The following ATP10A variants were observed in gnomAD, a reference collection of about 807,000 sequenced individuals.
ATP10A encodes the protein phospholipid-transporting ATPase VA.
A neutral mutation model predicts 147.8 loss-of-function variants in ATP10A; 111 were observed. The observed-to-expected ratio is 0.75, with a 90% CI of 0.64 to 0.88. ATP10A has a LOEUF of 0.88. Ranked by LOEUF, ATP10A falls within the 40% of genes least tolerant of loss-of-function variation. ATP10A has a pLI of 0.00. For synonymous variants in ATP10A, 875 were observed against 841.6 expected (o/e 1.04, Z -0.69); for missense variants, 1,927 against 1,959.0 (o/e 0.98, Z 0.31).
chr15:25,686,058 T>C (rs1899696743), intron 16 of ATP10A, among the ~76,000 whole-genome samples: 1 of 151,968 alleles, frequency 6.6e-6, no homozygotes, highest in South Asian at 2.1e-4. Flanking sequence ...CCAGGAGTGG[T>C]GTGACACAGC....
intron 2 of ATP10A, among the ~76,000 whole-genome samples, chr15:25,762,941 C>T (rs12910456): frequency 0.39 from 59,398 of 151,968 alleles, 12,666 homozygotes; most frequent in Non-Finnish European, 0.48. Flanking sequence ...GTTTAAAAAA[C>T]GAAAGGGCAG....
intron 2 of ATP10A, among the ~76,000 whole-genome samples, chr15:25,779,096 C>T (rs938223404): frequency 5.9e-5 from 9 of 152,130 alleles, no homozygotes; most frequent in African/African-American, 4.8e-5. Flanking sequence ...AGGATGGTCT[C>T]GAATTACTGA....
intron 13 of ATP10A, among the ~76,000 whole-genome samples, chr15:25,698,455 T>G (rs559375304): frequency 1.3e-5 from 2 of 152,350 alleles, no homozygotes; most frequent in Admixed American, 6.5e-5. Context: ...TAGCTTACTT[T>G]ATTGTAAGAA....
At position 25,781,212 on chromosome 15, in the gene ATP10A, T is replaced by A. The variant is rs1448429756; in HGVS notation, c.461A>T (p.Lys154Ile). 3 of 1,613,398 alleles carry A rather than the reference T, an allele frequency of 1.9e-6. No individual in the cohort carries two copies. The highest frequency in any genetic ancestry group is 2.5e-6 in the Non-Finnish European group (3 of 1,179,576). ...GCLVFSREEK[K>I]YVNRFWKEIH... ...TTCTTTCCAGAATCGGTTCACGTAT[T>A]TCTTTTCTTCCCTAGAAAACAGATT... The change falls in exon 2 of 21, where the codon AAA (lysine) becomes ATA (isoleucine). Residue 154 changes from lysine to isoleucine, a missense_variant. Coordinates refer to ENST00000555815, the MANE Select transcript of ATP10A (RefSeq NM_024490.4).
intron 1 of ATP10A, among the ~76,000 whole-genome samples, chr15:25,859,448 G>A (rs781233202): frequency 2.0e-5 from 3 of 152,130 alleles, no homozygotes; most frequent in African/African-American, 4.8e-5. Flanking sequence ...TCTCTGAACA[G>A]CCTTAGCCAG....
intron 7 of ATP10A, among the ~76,000 whole-genome samples, chr15:25,720,128 T>C (rs1204310272): frequency 6.6e-6 from 1 of 152,246 alleles, no homozygotes; most frequent in Non-Finnish European, 1.5e-5. Flanking sequence ...ATCCTGCCCC[T>C]GGGAGCCTAA....
intron 1 of ATP10A, 122 bp from the exon 2 acceptor site, chr15:25,781,345 T>C (rs1263968908): frequency 9.6e-6 from 8 of 829,978 alleles, no homozygotes; most frequent in African/African-American, 8.6e-5. Flanking sequence ...AAAATTTTGA[T>C]AATAAACAGG....
chr15:25,835,699 CAT>C (rs1892560283), intron 1 of ATP10A, among the ~76,000 whole-genome samples: 1 of 152,222 alleles, frequency 6.6e-6, no homozygotes, highest in Non-Finnish European at 1.5e-5. Context: ...GTGGTACTAT[CAT>C]TGCTCACTGA....
At chr15:25,851,363 GT>G (rs761687848) in intron 1 of ATP10A, among the ~76,000 whole-genome samples, 65 of 146,752 alleles carry the variant, frequency 4.4e-4, no homozygotes, top group Middle Eastern at 7.0e-3. Context: ...CTTACTTTAG[GT>G]TTTTTTTTTT....
chr15:25,719,901 T>G (rs535366654), intron 7 of ATP10A, among the ~76,000 whole-genome samples: 1 of 152,284 alleles, frequency 6.6e-6, no homozygotes, highest in East Asian at 1.9e-4. Context: ...GAGTGACATC[T>G]GGAGAGGTCA....
intron 3 of ATP10A, among the ~76,000 whole-genome samples, chr15:25,735,020 G>C (rs975108804): frequency 8.2e-6 from 1 of 121,330 alleles, no homozygotes; most frequent in Admixed American, 8.3e-5. Flanking sequence ...GGGGTGGGGG[G>C]GTGGGGGAAG....
chr15:25,789,129 G>GT (rs1890297970), intron 1 of ATP10A, among the ~76,000 whole-genome samples: 1 of 152,006 alleles, frequency 6.6e-6, no homozygotes, highest in Non-Finnish European at 1.5e-5. Flanking sequence ...CAGCTAATTT[G>GT]TTTTTTATTT....
At chr15:25,754,296 G>C (rs940988948) in intron 2 of ATP10A, among the ~76,000 whole-genome samples, 32 of 152,138 alleles carry the variant, frequency 2.1e-4, no homozygotes, top group African/African-American at 7.5e-4. Flanking sequence ...ACCATGCCCA[G>C]CTAATTTGTT....
At chr15:25,830,069 C>T (rs981698125) in intron 1 of ATP10A, among the ~76,000 whole-genome samples, 4 of 152,016 alleles carry the variant, frequency 2.6e-5, no homozygotes, top group African/African-American at 4.8e-5. Context: ...GTGGTTCAGG[C>T]GGGGAGAAGT....
chr15:25,710,941 G>A (rs1033987924), intron 10 of ATP10A: 1 of 152,230 alleles, frequency 6.6e-6, no homozygotes, highest in African/African-American at 2.4e-5. Flanking sequence ...TGTAACAGCA[G>A]GCACTGAGCT....
rs1596669786 is a variant in ATP10A, at chr15:25,679,707, T to C, written c.4134A>G (p.Pro1378=). Residue 1378 remains proline (P), a synonymous_variant, in exon 21 of 21, where the codon CCA becomes CCG. Coordinates refer to ENST00000555815, the MANE Select transcript of ATP10A (RefSeq NM_024490.4). ...GEPSTVDMSM[P]VREHTLLEGL... ...CCTCCAGCAGGGTGTGCTCCCTCAC[T>C]GGCATGCTCATGTCCACTGTGCTGG... The C allele has an allele frequency of 6.2e-7, 1 of 1,613,230 alleles. No homozygotes were observed. Among genetic ancestry groups the C allele is most frequent in the African/African-American group, 1.3e-5 (1 of 74,932 alleles).
At chr15:25,811,960 G>A (rs907980995) in intron 1 of ATP10A, among the ~76,000 whole-genome samples, 6 of 152,186 alleles carry the variant, frequency 3.9e-5, no homozygotes, top group Non-Finnish European at 7.3e-5. Context: ...TGGGCAAAGC[G>A]CTCCAGCCCC....
At chr15:25,754,051 C>T (rs11632500) in intron 2 of ATP10A, among the ~76,000 whole-genome samples, 59,555 of 152,074 alleles carry the variant, frequency 0.39, 11,942 homozygotes, top group Middle Eastern at 0.51. Context: ...CCTCCTGCAT[C>T]GGCCTCCCAA....
At chr15:25,756,682 T>G (rs1888432801) in intron 2 of ATP10A, among the ~76,000 whole-genome samples, 2 of 152,078 alleles carry the variant, frequency 1.3e-5, no homozygotes, top group Admixed American at 1.3e-4. Context: ...GAAAAGTGAG[T>G]GCTTAAATCA....
Sources: gnomAD v4.1 joint callset for allele counts (sites outside exome capture counted in the v4.1 genomes callset) on GRCh38, gnomAD v4.1.1 for gene constraint, MANE v1.5 for transcripts, NCBI Gene and HGNC (gene_info 2026-07-23, HGNC 2026-07-21) for gene names.